Variants in ZDHHC20 observed in about 807,000 individuals in gnomAD.
ZDHHC20 encodes zDHHC palmitoyltransferase 20.
A neutral mutation model predicts 57.8 loss-of-function variants in ZDHHC20; 43 were observed. That is an observed-to-expected ratio of 0.74 (90% CI 0.58 to 0.96). ZDHHC20 has a LOEUF of 0.96. ZDHHC20 is among the 40% of genes least tolerant of loss of function. ZDHHC20 has a pLI of 0.00. For synonymous variants in ZDHHC20, 157 were observed against 153.0 expected (o/e 1.03, Z -0.19); for missense variants, 391 against 441.1 (o/e 0.89, Z 1.02).
At chr13:21,408,232 T>C (rs1417607372) in intron 4 of ZDHHC20, among the ~76,000 whole-genome samples, 7 of 152,234 alleles carry the variant, frequency 4.6e-5, no homozygotes, top group Admixed American at 3.9e-4. Context: ...TTTCACGATA[T>C]TGATTCTTCC....
intron 1 of ZDHHC20, among the ~76,000 whole-genome samples, chr13:21,430,198 T>C (rs941740287): frequency 3.9e-5 from 6 of 152,158 alleles, no homozygotes; most frequent in Non-Finnish European, 7.3e-5. Context: ...AAATTTGTTT[T>C]TGCAGGCCTC....
In ZDHHC20 at chr13:21,413,642, T is replaced by C. The variant is rs757723191; in HGVS notation, c.370+10A>G. On this transcript the variant is annotated intron_variant, in intron 4 of 12. Transcript: ENST00000400590. ...ATCATTTGAAAAGGAAAACTTATTC[T>C]TTTTCTTACTTTTTGAAGCTGATGT... 9.5e-6 allele frequency: 15 copies of C among 1,576,978 alleles called. No homozygotes were observed. The highest frequency in any genetic ancestry group is 4.5e-4 in the Middle Eastern group (2 of 4,406).
In ZDHHC20 at chr13:21,421,150, A is replaced by G; in HGVS notation, c.160T>C (p.Tyr54His). The stretch of plus-strand genomic sequence containing the variant: ...AAGAACAGATGGAAAGCCACAAGGT[A>G]AACAACGGTCTTTCCTGGTAAATAA... The part of the protein sequence containing the change: ...GNEENGKTVV[Y>H]LVAFHLFFVM... Residue 54 changes from tyrosine (Y) to histidine (H), a missense_variant, in exon 3 of 13, where the codon TAC (tyrosine) becomes CAC (histidine). This residue lies in a region of ZDHHC20 where 185 missense variants were observed against 188.0 expected (regional missense o/e 0.98). Coordinates refer to ENST00000400590, the MANE Select transcript of ZDHHC20 (RefSeq NM_001330059.2). 1 of 1,613,220 alleles carries G rather than the reference A, an allele frequency of 6.2e-7. No homozygotes were observed. Among genetic ancestry groups the G allele is most frequent in the Non-Finnish European group, 8.5e-7 (1 of 1,179,560 alleles).
intron 1 of ZDHHC20, 66 bp downstream of exon 1, chr13:21,458,988 C>T: frequency 7.8e-7 from 1 of 1,275,926 alleles, no homozygotes; most frequent in East Asian, 3.0e-5. Context: ...GTGTGGGGCG[C>T]AGAGGCCTAT....
chr13:21,389,966 CA>C (rs537622609), intron 8 of ZDHHC20, among the ~76,000 whole-genome samples: 61 of 150,936 alleles, frequency 4.0e-4, no homozygotes, highest in East Asian at 7.7e-4. Context: ...ATAAAGATGA[CA>C]AAAAAAAGTA....
chr13:21,391,967 A>C (rs1329166837), intron 7 of ZDHHC20, 113 bp from the exon 8 acceptor site: 1 of 1,221,104 alleles, frequency 8.2e-7, no homozygotes, highest in Non-Finnish European at 1.1e-6. Flanking sequence ...TTGAAAACTA[A>C]TAAATTACTT....
chr13:21,453,287 G>A (rs1566120907), intron 1 of ZDHHC20, among the ~76,000 whole-genome samples: 1 of 152,150 alleles, frequency 6.6e-6, no homozygotes, highest in Non-Finnish European at 1.5e-5. Flanking sequence ...AATGTTTTAT[G>A]CACCTAATTA....
intron 6 of ZDHHC20, 102 bp downstream of exon 6, chr13:21,401,551 A>G (rs1218401239): frequency 3.1e-6 from 3 of 981,426 alleles, no homozygotes; most frequent in Non-Finnish European, 3.0e-6. Flanking sequence ...ATCAATCTTA[A>G]TATCTATGAG....
rs1004138081 is a variant in ZDHHC20 at position 21,376,667 on chromosome 13, G to A, written c.*41-12C>T. 6.4e-6 allele frequency: 9 copies of A among 1,400,448 alleles called. No homozygotes were observed. Among genetic ancestry groups the A allele is most frequent in the Non-Finnish European group, 8.6e-6 (9 of 1,040,760 alleles). 86.8% of individuals were successfully genotyped at this position (1,400,448 alleles called of 1,614,324 possible). ...ATGTTTTCATACACCTACAAAAAAA[G>A]AAACAAATTATTGGTTAAAACTTGA... On this transcript the variant is annotated splice_polypyrimidine_tract_variant and intron_variant, in intron 12 of 12. Transcript: ENST00000400590.
At chr13:21,402,361 T>C (rs1282450599) in intron 5 of ZDHHC20, among the ~76,000 whole-genome samples, 2 of 152,148 alleles carry the variant, frequency 1.3e-5, no homozygotes, top group East Asian at 1.9e-4. Context: ...TACTAGAATA[T>C]GTATTCTATA....
intron 1 of ZDHHC20, among the ~76,000 whole-genome samples, chr13:21,440,718 G>A (rs560697703): frequency 4.9e-4 from 74 of 151,964 alleles, no homozygotes; most frequent in Non-Finnish European, 7.2e-4. Context: ...CATGAGGTAT[G>A]GACCTGATTT....
Position 21,374,182 on chromosome 13 carries a change from T to G in ZDHHC20, c.*2514A>C, listed in dbSNP as rs554449354. ...TGTTTTAACATTTATCTCCTTATAA[T>G]ATGCAAACTGCCAAACTGGAGTTAT... On this transcript the variant is annotated 3_prime_UTR_variant, in exon 13 of 13. Coordinates refer to ENST00000400590, the MANE Select transcript of ZDHHC20 (RefSeq NM_001330059.2). 1.6e-4 allele frequency: 29 copies of G among 183,916 alleles called. No homozygotes were observed. Among genetic ancestry groups the G allele is most frequent in the South Asian group, 8.8e-4 (8 of 9,076 alleles). 11.4% of individuals were successfully genotyped at this position (183,916 alleles called of 1,614,324 possible). A position where few individuals can be genotyped will look rare whatever the true frequency, so the allele number is the denominator to read the frequency against.
intron 9 of ZDHHC20, among the ~76,000 whole-genome samples, chr13:21,385,342 T>A (rs1049164772): frequency 6.6e-6 from 1 of 152,110 alleles, no homozygotes. Context: ...GGCACAAGAA[T>A]TGCTTGAACC....
At chr13:21,445,098 TTTTATATA>T (rs1210303420) in intron 1 of ZDHHC20, among the ~76,000 whole-genome samples, 3 of 151,916 alleles carry the variant, frequency 2.0e-5, no homozygotes, top group African/African-American at 7.3e-5. Context: ...TACATGTATG[TTTTATATA>T]TTTATATATA....
chr13:21,429,697 T>C (rs1406305660), intron 1 of ZDHHC20, among the ~76,000 whole-genome samples: 1 of 152,214 alleles, frequency 6.6e-6, no homozygotes, highest in Non-Finnish European at 1.5e-5. Flanking sequence ...CCATATCGTC[T>C]TTCTTCTCCC....
At chr13:21,382,320 A>C (rs1488284575) in intron 10 of ZDHHC20, among the ~76,000 whole-genome samples, 1 of 152,162 alleles carries the variant, frequency 6.6e-6, no homozygotes, top group Non-Finnish European at 1.5e-5. Context: ...CTTCTCCTAC[A>C]ACTTATTTCT....
rs1566055926 is a variant in ZDHHC20 at position 21,376,523 on chromosome 13, G to A, written c.*173C>T. The A allele has an allele frequency of 1.6e-6, 1 of 606,756 alleles. No homozygotes were observed. Among genetic ancestry groups the A allele is most frequent in the Non-Finnish European group, 2.6e-6 (1 of 386,896 alleles). 37.6% of individuals were successfully genotyped at this position (606,756 alleles called of 1,614,324 possible). A position where few individuals can be genotyped will look rare whatever the true frequency, so the allele number is the denominator to read the frequency against. Reference sequence around the variant, plus strand: ...TTCTGCTCTGGAGTAGTGCTTCTGTGAATCCCAGGAACTGTACAAAGGCTT... The same window carrying A: ...TTCTGCTCTGGAGTAGTGCTTCTGTAAATCCCAGGAACTGTACAAAGGCTT... On this transcript the variant is annotated 3_prime_UTR_variant, in exon 13 of 13. Transcript: ENST00000400590.
intron 8 of ZDHHC20, among the ~76,000 whole-genome samples, chr13:21,388,981 T>C (rs559335319): frequency 6.6e-6 from 1 of 152,198 alleles, no homozygotes; most frequent in Admixed American, 6.5e-5. Flanking sequence ...AGAAAATTGT[T>C]GGAGAATAGA....
At chr13:21,382,702 T>G (rs1419618194) in intron 10 of ZDHHC20, among the ~76,000 whole-genome samples, 1 of 152,220 alleles carries the variant, frequency 6.6e-6, no homozygotes, top group Non-Finnish European at 1.5e-5. Flanking sequence ...AGCATTCTCT[T>G]TCCTACTCGT....
Sources: allele counts gnomAD v4.1 joint callset (sites outside exome capture counted in the v4.1 genomes callset), GRCh38; gene constraint gnomAD v4.1.1; regional missense constraint gnomAD v4.1.1; transcripts MANE v1.5; gene names NCBI Gene and HGNC (gene_info 2026-07-23, HGNC 2026-07-21).